Variants in SEMA3D observed in about 807,000 individuals in gnomAD.
SEMA3D encodes semaphorin-3D.
In SEMA3D, 84 loss-of-function variants were observed where a neutral mutation model predicts 100.1. The ratio of observed to expected loss-of-function variants is 0.84; its 90% CI spans 0.70 to 1.01. SEMA3D has a LOEUF of 1.01. SEMA3D is among the 50% of genes least tolerant of loss of function. SEMA3D has a pLI of 0.00. For synonymous variants in SEMA3D, 312 were observed against 320.7 expected, an observed-to-expected ratio of 0.97 and a Z score of 0.29; for missense variants, 875 against 934.1, an observed-to-expected ratio of 0.94 and a Z score of 0.82.
intron 3 of SEMA3D, among the ~76,000 whole-genome samples, chr7:85,118,777 C>T (rs939242415): frequency 6.6e-6 from 1 of 152,084 alleles, no homozygotes; most frequent in Non-Finnish European, 1.5e-5. Flanking sequence ...TTTTGCTGTT[C>T]GGATGCTCCT....
chr7:85,192,352 A>G, the SEMA3D span, among the ~76,000 whole-genome samples: 6 of 151,946 alleles, frequency 3.9e-5, no homozygotes, highest in African/African-American at 1.4e-4. Context: ...CTCTATAATA[A>G]TAACTATTAT....
chr7:85,052,817 AAAT>A (rs1448872901), intron 9 of SEMA3D, among the ~76,000 whole-genome samples: 1 of 151,960 alleles, frequency 6.6e-6, no homozygotes, highest in African/African-American at 2.4e-5. Context: ...GCTGTTGTTG[AAAT>A]AATTAGATAA....
chr7:85,007,413 G>A (rs1789830796), intron 17 of SEMA3D, among the ~76,000 whole-genome samples: 1 of 151,800 alleles, frequency 6.6e-6, no homozygotes, highest in Non-Finnish European at 1.5e-5. Flanking sequence ...TATCAGAAAA[G>A]TAAGTTATAG....
chr7:85,051,876 C>T (rs979322076), intron 9 of SEMA3D, among the ~76,000 whole-genome samples: 4 of 151,858 alleles, frequency 2.6e-5, no homozygotes, highest in Non-Finnish European at 4.4e-5. Flanking sequence ...GGGTAGGTAT[C>T]AAAATCTCTA....
intron 12 of SEMA3D, among the ~76,000 whole-genome samples, chr7:85,030,447 TTAACGCGG>T (rs200795690): frequency 0.026 from 3,921 of 152,072 alleles, 174 homozygotes; most frequent in African/African-American, 0.089. Context: ...CAACTAACAT[TTAACGCGG>T]TAACAATTTG....
chr7:85,248,940 TACA>T, the SEMA3D span, among the ~76,000 whole-genome samples: 7 of 152,120 alleles, frequency 4.6e-5, no homozygotes, highest in African/African-American at 1.7e-4. Context: ...CCATAGAATA[TACA>T]ACACCAAGAG....
the SEMA3D span, among the ~76,000 whole-genome samples, chr7:85,242,694 G>T: frequency 1.3e-5 from 2 of 152,002 alleles, no homozygotes; most frequent in African/African-American, 2.4e-5. Context: ...ACCAGTTTTT[G>T]CCTCAAATAT....
At chr7:85,160,482 A>C (rs1187436718) in intron 1 of SEMA3D, among the ~76,000 whole-genome samples, 1 of 152,190 alleles carries the variant, frequency 6.6e-6, no homozygotes, top group Non-Finnish European at 1.5e-5. Flanking sequence ...CACGATGGAA[A>C]AAGAATTAGC....
chr7:85,193,829 G>A, the SEMA3D span, among the ~76,000 whole-genome samples: 1 of 150,876 alleles, frequency 6.6e-6, no homozygotes. Context: ...AGTATATCAT[G>A]CCCATCTTTC....
intron 1 of SEMA3D, among the ~76,000 whole-genome samples, chr7:85,178,419 T>A (rs2116568010): frequency 6.6e-6 from 1 of 152,244 alleles, no homozygotes; most frequent in South Asian, 2.1e-4. Flanking sequence ...ATATGAACAA[T>A]GAAGTGCAGG....
chr7:85,064,634 C>T (rs899356412), intron 8 of SEMA3D, among the ~76,000 whole-genome samples: 19 of 152,074 alleles, frequency 1.2e-4, no homozygotes, highest in African/African-American at 4.1e-4. Flanking sequence ...ATGAAAAATG[C>T]CTGCCTGCTT....
chr7:85,115,695 A>C (rs1255986007), intron 3 of SEMA3D, among the ~76,000 whole-genome samples: 2 of 152,124 alleles, frequency 1.3e-5, no homozygotes, highest in African/African-American at 4.8e-5. Flanking sequence ...CTGTACACTT[A>C]GGCATTCAAC....
chr7:85,097,991 A>AGGTCAGTATATTTATATATAC (rs761393020), intron 3 of SEMA3D, 26 bp from the exon 4 acceptor site: 2 of 1,315,696 alleles, frequency 1.5e-6, no homozygotes, highest in Non-Finnish European at 1.0e-6. Flanking sequence ...AAAGAAAAGA[A>AGGTCAGTATATTTATATATAC]AGGAGAAAGA....
chr7:85,244,708 CTTT>C, the SEMA3D span, among the ~76,000 whole-genome samples: 36,363 of 121,002 alleles, frequency 0.3, 4,298 homozygotes, highest in Non-Finnish European at 0.41. Flanking sequence ...ACTGCACAAT[CTTT>C]TTTTTTTTTT....
At chr7:85,131,768 TA>T (rs534317398) in intron 2 of SEMA3D, among the ~76,000 whole-genome samples, 1 of 151,948 alleles carries the variant, frequency 6.6e-6, no homozygotes, top group African/African-American at 2.4e-5. Context: ...GGTGGTAATT[TA>T]AAAAAAATTT....
chr7:85,219,241 A>G, the SEMA3D span, among the ~76,000 whole-genome samples: 1 of 152,090 alleles, frequency 6.6e-6, no homozygotes, highest in Non-Finnish European at 1.5e-5. Context: ...GAGGGAAAAA[A>G]AAGTAAAGAA....
At chr7:85,247,190 A>T in the SEMA3D span, among the ~76,000 whole-genome samples, 10 of 152,096 alleles carry the variant, frequency 6.6e-5, no homozygotes, top group Admixed American at 4.6e-4. Context: ...CACAGAGAAT[A>T]ATCACTGACA....
chr7:85,083,739 C>T (rs1245356166), intron 4 of SEMA3D, among the ~76,000 whole-genome samples: 13 of 149,124 alleles, frequency 8.7e-5, no homozygotes, highest in African/African-American at 2.5e-4. Context: ...CCCAGCTACT[C>T]GGGAGGCTGA....
upstream of SEMA3D, among the ~76,000 whole-genome samples, chr7:85,188,508 A>C (rs1480238921): frequency 1.3e-5 from 2 of 152,148 alleles, no homozygotes; most frequent in Non-Finnish European, 2.9e-5. Flanking sequence ...CTATGTGTTT[A>C]TATTATTTTC....
Sources: gnomAD v4.1 joint callset for allele counts (sites outside exome capture counted in the v4.1 genomes callset) on GRCh38, gnomAD v4.1.1 for gene constraint, MANE v1.5 for transcripts, NCBI Gene and HGNC (gene_info 2026-07-23, HGNC 2026-07-21) for gene names.